The following ABI3BP variants were observed in gnomAD, a reference collection of about 807,000 sequenced individuals.
ABI3BP encodes the protein target of Nesh-SH3.
ABI3BP carries 216 observed loss-of-function variants against 268.6 expected under a neutral mutation model. The ratio of observed to expected loss-of-function variants is 0.80; its 90% CI spans 0.72 to 0.90. The LOEUF (loss-of-function observed/expected upper bound fraction) is 0.90, where lower values mean the gene tolerates loss of function less well. Ranked by LOEUF, ABI3BP falls within the 40% of genes least tolerant of loss-of-function variation. The pLI, the probability that ABI3BP is intolerant of heterozygous loss-of-function variation, is 0.00. For synonymous variants in ABI3BP, 730 were observed against 730.0 expected (o/e 1.00, Z 0.00); for missense variants, 2,090 against 2,182.4 (o/e 0.96, Z 0.84).
chr3:100,884,566 A>AT (rs199810051), intron 6 of ABI3BP, among the ~76,000 whole-genome samples: 1 of 151,686 alleles, frequency 6.6e-6, no homozygotes, highest in African/African-American at 2.4e-5. Context: ...ATATACTACT[A>AT]TTTTTTTTCC....
chr3:100,858,211 T>A (rs1420888932), intron 14 of ABI3BP, among the ~76,000 whole-genome samples: 6 of 152,244 alleles, frequency 3.9e-5, no homozygotes, highest in Non-Finnish European at 8.8e-5. Context: ...TACCTTTATA[T>A]ATTTTAAGGA....
At chr3:100,773,939 T>G (rs977953651) in intron 61 of ABI3BP, among the ~76,000 whole-genome samples, 1 of 152,008 alleles carries the variant, frequency 6.6e-6, no homozygotes, top group African/African-American at 2.4e-5. Context: ...GGGGGTTGAG[T>G]GGGAGGAATA....
rs762041654 is a variant in ABI3BP, at chr3:100,993,339, G to A, written c.46C>T (p.Leu16=). 1 of 1,553,062 alleles carries A rather than the reference G, an allele frequency of 6.4e-7. No homozygotes were observed. The highest frequency in any genetic ancestry group is 8.7e-7 in the Non-Finnish European group (1 of 1,147,668). ...GCLLLCGSIT[L]ALGNAQKLPK... ...AATTTCTGTGCATTTCCCAGGGCTAGTGTAATACTTCCACAGAGAAGTAGA... is the reference window on the plus strand; with the variant it reads ...AATTTCTGTGCATTTCCCAGGGCTAATGTAATACTTCCACAGAGAAGTAGA... The change falls in exon 1 of 68, where the codon CTA becomes TTA. Residue 16 remains leucine (L), a synonymous_variant. Transcript: ENST00000471714.
At chr3:100,894,705 C>A (rs2046371123) in intron 4 of ABI3BP, among the ~76,000 whole-genome samples, 1 of 151,728 alleles carries the variant, frequency 6.6e-6, no homozygotes, top group African/African-American at 2.4e-5. Context: ...TTTGGGAGGC[C>A]AAGGAGGGCA....
At chr3:100,841,208 T>TTTTTTG (rs2098693662) in intron 21 of ABI3BP, among the ~76,000 whole-genome samples, 1 of 130,212 alleles carries the variant, frequency 7.7e-6, no homozygotes, top group African/African-American at 2.8e-5. Context: ...TTTTTTTTTT[T>TTTTTTG]TTTTTTTTTT....
At chr3:100,895,560 T>C (rs988052136) in intron 4 of ABI3BP, among the ~76,000 whole-genome samples, 1 of 152,148 alleles carries the variant, frequency 6.6e-6, no homozygotes, top group Non-Finnish European at 1.5e-5. Context: ...TTTTAAAAAA[T>C]CAGAGACTGT....
chr3:100,973,614 A>G (rs939841553), intron 1 of ABI3BP, among the ~76,000 whole-genome samples: 3 of 152,170 alleles, frequency 2.0e-5, no homozygotes, highest in African/African-American at 7.2e-5. Context: ...ATGAATGAAG[A>G]TAAGGGCAAT....
chr3:100,863,303 T>A (rs1463055401), intron 12 of ABI3BP: 1 of 161,670 alleles, frequency 6.2e-6, no homozygotes, highest in Non-Finnish European at 1.3e-5. Context: ...GCTTTATATG[T>A]AAGCTCCTCC....
intron 51 of ABI3BP, among the ~76,000 whole-genome samples, chr3:100,798,248 T>C (rs182868180): frequency 6.6e-6 from 1 of 152,274 alleles, no homozygotes; most frequent in Admixed American, 6.5e-5. Flanking sequence ...ACTTTTCTTT[T>C]TAACCGTGAA....
At chr3:100,850,261 C>A in intron 16 of ABI3BP, 142 bp from the exon 17 acceptor site, 1 of 739,424 alleles carries the variant, frequency 1.4e-6, no homozygotes, top group Non-Finnish European at 2.2e-6. Context: ...GTCTTGAAAG[C>A]TAGTGAATAA....
At chr3:100,974,379 C>A (rs1192883319) in intron 1 of ABI3BP, among the ~76,000 whole-genome samples, 3 of 152,160 alleles carry the variant, frequency 2.0e-5, no homozygotes, top group Admixed American at 1.3e-4. Flanking sequence ...GGTGAATGAG[C>A]AAGTGGCTGC....
chr3:100,914,421 T>C (rs1229854365), intron 2 of ABI3BP: 2 of 455,480 alleles, frequency 4.4e-6, no homozygotes, highest in Non-Finnish European at 4.4e-6. Flanking sequence ...AAGGTTAAAC[T>C]ACTCACAAAA....
At chr3:100,873,444 A>G (rs928326497) in intron 9 of ABI3BP, among the ~76,000 whole-genome samples, 1 of 152,108 alleles carries the variant, frequency 6.6e-6, no homozygotes, top group Non-Finnish European at 1.5e-5. Context: ...GAAAGGGGGA[A>G]AAAGGAAAAG....
intron 59 of ABI3BP, among the ~76,000 whole-genome samples, chr3:100,776,377 G>A (rs559903565): frequency 5.9e-5 from 9 of 152,300 alleles, no homozygotes; most frequent in African/African-American, 2.2e-4. Context: ...AAGAGAAGTT[G>A]CACTGCAGTC....
intron 9 of ABI3BP, among the ~76,000 whole-genome samples, chr3:100,871,261 A>T (rs1359628599): frequency 6.7e-6 from 1 of 149,564 alleles, no homozygotes; most frequent in Non-Finnish European, 1.5e-5. Context: ...GTACACATAT[A>T]AAAAAAACTT....
intron 1 of ABI3BP, among the ~76,000 whole-genome samples, chr3:100,942,315 G>T (rs2069717318): frequency 6.6e-6 from 1 of 152,032 alleles, no homozygotes; most frequent in South Asian, 2.1e-4. Context: ...AATATATATA[G>T]AAAACGTCCC....
intron 1 of ABI3BP, among the ~76,000 whole-genome samples, chr3:100,974,792 T>G (rs2085300355): frequency 6.6e-6 from 1 of 152,212 alleles, no homozygotes; most frequent in Non-Finnish European, 1.5e-5. Flanking sequence ...GCTTATTACC[T>G]AGATTAAGAT....
At chr3:100,989,852 T>C (rs1456701578) in intron 1 of ABI3BP, among the ~76,000 whole-genome samples, 1 of 152,160 alleles carries the variant, frequency 6.6e-6, no homozygotes, top group Non-Finnish European at 1.5e-5. Context: ...TTCTGAGAGG[T>C]AGCTGGAGCA....
At chr3:100,752,717 C>T in intron 66 of ABI3BP, 70 bp downstream of exon 66, 1 of 1,526,066 alleles carries the variant, frequency 6.6e-7, no homozygotes. Context: ...AAGAAAAGGC[C>T]AAGTTGTACA....
Sources: allele counts gnomAD v4.1 joint callset (sites outside exome capture counted in the v4.1 genomes callset), GRCh38; gene constraint gnomAD v4.1.1; transcripts MANE v1.5; gene names NCBI Gene and HGNC (gene_info 2026-07-23, HGNC 2026-07-21).